Variants in JMJD1C observed in about 807,000 individuals in gnomAD.
JMJD1C encodes the protein jumonji domain-containing protein 1C.
In JMJD1C, 31 loss-of-function variants were observed where a neutral mutation model predicts 245.3. The observed-to-expected ratio is 0.13, with a 90% CI of 0.09 to 0.17. The LOEUF is 0.17. Among genes scored for constraint, JMJD1C ranks in the 10% least tolerant of loss-of-function variants. The pLI is 1.00. For synonymous variants in JMJD1C, 1,057 were observed against 1,017.4 expected (o/e 1.04, Z -0.74); for missense variants, 2,691 against 3,000.2 (o/e 0.90, Z 2.41).
chr10:63,418,141 C>T (rs566721705), intron 1 of JMJD1C, among the ~76,000 whole-genome samples: 1 of 152,180 alleles, frequency 6.6e-6, no homozygotes, highest in Non-Finnish European at 1.5e-5. Context: ...TGCATCAGAA[C>T]CTAATTGAGG....
At chr10:63,424,311 CCT>C (rs1950303102) in intron 1 of JMJD1C, among the ~76,000 whole-genome samples, 2 of 151,762 alleles carry the variant, frequency 1.3e-5, no homozygotes, top group African/African-American at 4.8e-5. Context: ...AAGCAATACC[CCT>C]GCCATGGCCT....
intron 3 of JMJD1C, among the ~76,000 whole-genome samples, chr10:63,244,826 G>GT: frequency 7.4e-6 from 1 of 135,322 alleles, no homozygotes; most frequent in African/African-American, 2.7e-5. Flanking sequence ...AAGGGGGGGG[G>GT]AGGGGGGAGA....
intron 1 of JMJD1C, among the ~76,000 whole-genome samples, chr10:63,501,359 C>T (rs1422706422): frequency 1.3e-5 from 2 of 152,260 alleles, no homozygotes; most frequent in African/African-American, 2.4e-5. Flanking sequence ...TGATGTTAAT[C>T]GTGCTTTTAT....
intron 3 of JMJD1C, among the ~76,000 whole-genome samples, chr10:63,260,535 T>C (rs1854567838): frequency 2.0e-5 from 3 of 152,104 alleles, no homozygotes; most frequent in Admixed American, 2.0e-4. Flanking sequence ...TGAACTTCTA[T>C]AATCATACTC....
intron 1 of JMJD1C, among the ~76,000 whole-genome samples, chr10:63,452,252 C>A (rs923776466): frequency 2.0e-5 from 3 of 152,090 alleles, no homozygotes; most frequent in African/African-American, 7.2e-5. Context: ...CAAAACAAAA[C>A]AAAACATGCT....
rs1329803792 is a variant in JMJD1C at position 63,209,248 on chromosome 10, CA to C, written c.2695-14del. The C allele has an allele frequency of 6.4e-7, 1 of 1,571,674 alleles. No individual in the cohort carries two copies. Among genetic ancestry groups the C allele is most frequent in the South Asian group, 1.2e-5 (1 of 83,394 alleles). ...GACTGGGAGAATTCTATTAACAAAA[CA>C]AAACAAAAAAAACACCTAGATTTCA... On this transcript the variant is annotated splice_polypyrimidine_tract_variant and intron_variant, in intron 8 of 25. Coordinates refer to ENST00000399262, the MANE Select transcript of JMJD1C (RefSeq NM_032776.3).
At chr10:63,518,168 A>T (rs112010910) in intron 1 of JMJD1C, among the ~76,000 whole-genome samples, 4 of 152,226 alleles carry the variant, frequency 2.6e-5, no homozygotes, top group Non-Finnish European at 4.4e-5. Context: ...TCTGAGACAC[A>T]GTCCAATACA....
chr10:63,332,876 C>T (rs1350896431), intron 2 of JMJD1C, among the ~76,000 whole-genome samples: 1 of 152,084 alleles, frequency 6.6e-6, no homozygotes, highest in East Asian at 1.9e-4. Flanking sequence ...TGATCTATCA[C>T]GTGAAAGGCT....
intron 22 of JMJD1C, among the ~76,000 whole-genome samples, chr10:63,180,489 A>G (rs938234975): frequency 1.3e-5 from 2 of 152,236 alleles, no homozygotes; most frequent in African/African-American, 4.8e-5. Flanking sequence ...AGACAGGTTA[A>G]GTCCTCCAAT....
chr10:63,427,821 T>A (rs1273023769), intron 1 of JMJD1C: 3 of 1,101,632 alleles, frequency 2.7e-6, no homozygotes, highest in African/African-American at 1.5e-5. Context: ...AGGCCCCTTC[T>A]AAAACACTTG....
upstream of JMJD1C, among the ~76,000 whole-genome samples, chr10:63,470,826 C>G (rs1213902400): frequency 2.0e-5 from 3 of 152,138 alleles, no homozygotes; most frequent in Admixed American, 6.5e-5. Flanking sequence ...ATCTGTTATC[C>G]AGTTTCCAGT....
intron 1 of JMJD1C, among the ~76,000 whole-genome samples, chr10:63,382,325 T>A (rs142344897): frequency 1.7e-3 from 266 of 152,322 alleles, no homozygotes; most frequent in Non-Finnish European, 3.4e-3. Flanking sequence ...ACAGACAATA[T>A]GTAAACAATT....
At chr10:63,279,847 G>T (rs964159265) in intron 2 of JMJD1C, among the ~76,000 whole-genome samples, 16 of 152,188 alleles carry the variant, frequency 1.1e-4, no homozygotes, top group African/African-American at 3.4e-4. Context: ...AAATGGGAGT[G>T]GGGGGAATCA....
chr10:63,223,279 T>C (rs1848841295), intron 3 of JMJD1C, among the ~76,000 whole-genome samples: 4 of 149,884 alleles, frequency 2.7e-5, no homozygotes, highest in Admixed American at 2.7e-4. Context: ...CAGCCCGTAG[T>C]GTACTGGGCA....
chr10:63,177,690 A>G, intron 23 of JMJD1C, 27 bp downstream of exon 23: 1 of 1,611,114 alleles, frequency 6.2e-7, no homozygotes, highest in African/African-American at 1.3e-5. Flanking sequence ...TGAGGGGAAG[A>G]GATATTATTT....
intron 2 of JMJD1C, among the ~76,000 whole-genome samples, chr10:63,328,580 C>A (rs1193311926): frequency 6.6e-6 from 1 of 152,160 alleles, no homozygotes; most frequent in African/African-American, 2.4e-5. Context: ...TCTGTTCAAA[C>A]AACTGAAATT....
rs10995512 is a variant in JMJD1C, at chr10:63,344,805, T to A, written c.333+35513A>T. On this transcript the variant is annotated intron_variant, in intron 2 of 25. Coordinates refer to ENST00000399262, the MANE Select transcript of JMJD1C (RefSeq NM_032776.3). ...CCTATTACCACAAGGGGAAAAAAAA[T>A]TAAATCAATGCTGTACCACTACATA... Among the ~76,000 whole-genome samples the A allele has an allele frequency of 6.2e-3, 944 of 151,332 alleles. 11 individuals are homozygous for A. Among genetic ancestry groups the A allele is most frequent in the African/African-American group, 0.021 (873 of 41,284 alleles).
rs1210696219 is a variant in JMJD1C, at chr10:63,276,883, G to GTTTTTTT, written c.334-12120_334-12119insAAAAAAA. Among the ~76,000 whole-genome samples, 27 of 41,076 alleles carry GTTTTTTT rather than the reference G, an allele frequency of 6.6e-4. 1 individual carries two copies. The highest frequency in any genetic ancestry group is 0.01 in the Middle Eastern group (1 of 100). 26.9% of individuals were successfully genotyped at this position (41,076 alleles called of 152,430 possible). On this transcript the variant is annotated intron_variant, in intron 2 of 25. Coordinates refer to ENST00000399262, the MANE Select transcript of JMJD1C (RefSeq NM_032776.3). ...GCTATGGAAGGAATAGAAGCTTGGG[G>GTTTTTTT]CTTTTTTTTTTTTTTTTTTGAGAGA...
At chr10:63,224,934 C>T (rs1206979776) in intron 3 of JMJD1C, among the ~76,000 whole-genome samples, 4 of 151,658 alleles carry the variant, frequency 2.6e-5, no homozygotes, top group Non-Finnish European at 4.4e-5. Flanking sequence ...TGGTGGTGGG[C>T]GCCTGTAATC....
Sources: gnomAD v4.1 joint callset for allele counts (sites outside exome capture counted in the v4.1 genomes callset) on GRCh38, gnomAD v4.1.1 for gene constraint, MANE v1.5 for transcripts, NCBI Gene and HGNC (gene_info 2026-07-23, HGNC 2026-07-21) for gene names.